Variants in PRPSAP1 observed in about 807,000 individuals in gnomAD.
PRPSAP1 encodes the protein phosphoribosyl pyrophosphate synthetase associated protein 1, also known as phosphoribosyl pyrophosphate synthase-associated protein 1.
In PRPSAP1, 31 loss-of-function variants were observed where a neutral mutation model predicts 39.4. The observed-to-expected ratio is 0.79, with a 90% confidence interval of 0.59 to 1.06. The LOEUF (loss-of-function observed/expected upper bound fraction) is 1.06, where lower values mean the gene tolerates loss of function less well. Among genes scored for constraint, PRPSAP1 ranks in the 50% least tolerant of loss-of-function variants. PRPSAP1 has a pLI of 0.00. For synonymous variants in PRPSAP1, 212 were observed against 192.6 expected (o/e 1.10, Z -0.83); for missense variants, 430 against 511.6 (o/e 0.84, Z 1.54).
chr17:76,312,374 T>C (rs2071078539), intron 9 of PRPSAP1, among the ~76,000 whole-genome samples: 1 of 151,686 alleles, frequency 6.6e-6, no homozygotes, highest in Non-Finnish European at 1.5e-5. Flanking sequence ...GAGGCAGAGG[T>C]TGCAGTGAGC....
At chr17:76,327,510 C>T (rs1226729974) in intron 7 of PRPSAP1, among the ~76,000 whole-genome samples, 2 of 151,440 alleles carry the variant, frequency 1.3e-5, no homozygotes, top group Non-Finnish European at 2.9e-5. Context: ...AAAATTAGCT[C>T]GGCGTGTTGG....
intron 3 of PRPSAP1, among the ~76,000 whole-genome samples, chr17:76,337,112 G>C (rs2071387451): frequency 6.6e-6 from 1 of 151,994 alleles, no homozygotes; most frequent in African/African-American, 2.4e-5. Context: ...ATAGAGAAAG[G>C]TCTCACCATG....
At chr17:76,333,339 A>T (rs1014711320) in intron 3 of PRPSAP1, among the ~76,000 whole-genome samples, 2 of 151,990 alleles carry the variant, frequency 1.3e-5, no homozygotes, top group African/African-American at 2.4e-5. Flanking sequence ...CGAACTCCCG[A>T]CCTTAGGTGA....
intron 3 of PRPSAP1, among the ~76,000 whole-genome samples, chr17:76,341,864 G>A (rs931225969): frequency 3.3e-5 from 5 of 152,188 alleles, no homozygotes; most frequent in Admixed American, 6.5e-5. Context: ...GCGTGAACTC[G>A]GGAGGCGGAG....
In PRPSAP1 at chr17:76,310,506, C is replaced by G. The variant is rs1290720603; in HGVS notation, c.*1036G>C. 3 of 151,476 alleles carry G rather than the reference C, an allele frequency of 2.0e-5. No homozygotes were observed. The highest frequency in any genetic ancestry group is 2.9e-5 in the Non-Finnish European group (2 of 67,960). 9.4% of individuals were successfully genotyped at this position (151,476 alleles called of 1,614,324 possible). On this transcript the variant is annotated 3_prime_UTR_variant, in exon 10 of 10. Transcript: ENST00000446526. ...TTTGAGACAGGGTGTTGCTCTGTCA[C>G]CCAGGATGGATGGCAGTGGTACAAT...
rs542939497 is a variant in PRPSAP1 at position 76,319,628 on chromosome 17, T to C, written c.782-5737A>G. Among the ~76,000 whole-genome samples the C allele has an allele frequency of 4.7e-4, 72 of 151,894 alleles. No homozygotes were observed. In the South Asian group the frequency reaches 4.8e-3, roughly 10 times the overall value. Reference sequence around the variant, plus strand: ...GGATTACAGGTGCCCGCCACCATGCTCGGCTAATTTTTGTAATTTTAGTAG... The same window carrying C: ...GGATTACAGGTGCCCGCCACCATGCCCGGCTAATTTTTGTAATTTTAGTAG... On this transcript the variant is annotated intron_variant, in intron 7 of 9. Coordinates refer to ENST00000446526, the MANE Select transcript of PRPSAP1 (RefSeq NM_002766.3).
In PRPSAP1 at chr17:76,310,435, G is replaced by T. The variant is rs1224277001; in HGVS notation, c.*1107C>A. 6.6e-6 allele frequency: 1 copy of T among 151,746 alleles called. No individual in the cohort carries two copies. Among genetic ancestry groups the T allele is most frequent in the Non-Finnish European group, 1.5e-5 (1 of 68,056 alleles). 9.4% of individuals were successfully genotyped at this position (151,746 alleles called of 1,614,324 possible). A position where few individuals can be genotyped will look rare whatever the true frequency, so the allele number is the denominator to read the frequency against. ...TCTACCTGCCTCGGCCTCCCAAAGTGCAGGGATTACAGGCATAAGACACGA... is the reference window on the plus strand; with the variant it reads ...TCTACCTGCCTCGGCCTCCCAAAGTTCAGGGATTACAGGCATAAGACACGA... On this transcript the variant is annotated 3_prime_UTR_variant, in exon 10 of 10. Coordinates refer to ENST00000446526, the MANE Select transcript of PRPSAP1 (RefSeq NM_002766.3).
chr17:76,334,344 C>T (rs989078627), intron 3 of PRPSAP1, among the ~76,000 whole-genome samples: 7 of 152,170 alleles, frequency 4.6e-5, no homozygotes, highest in Non-Finnish European at 1.0e-4. Flanking sequence ...AGAAAGCCTG[C>T]CATACACACA....
intron 2 of PRPSAP1, among the ~76,000 whole-genome samples, chr17:76,348,127 G>T (rs916958097): frequency 6.6e-6 from 1 of 151,898 alleles, no homozygotes; most frequent in Non-Finnish European, 1.5e-5. Context: ...TTCAAGACCA[G>T]CCTGGCCAAC....
chr17:76,330,818 C>T (rs2071313776), intron 4 of PRPSAP1, 152 bp from the exon 5 acceptor site: 2 of 519,398 alleles, frequency 3.9e-6, no homozygotes, highest in Non-Finnish European at 6.8e-6. Flanking sequence ...TGATTGTTAA[C>T]CTTAATAAAG....
At chr17:76,330,335 C>A in intron 5 of PRPSAP1, 1 of 599,686 alleles carries the variant, frequency 1.7e-6, no homozygotes. Context: ...AAAACATAAG[C>A]AAATTGCTAA....
At chr17:76,324,039 G>A (rs192364097) in intron 7 of PRPSAP1, among the ~76,000 whole-genome samples, 5 of 7,668 alleles carry the variant, frequency 6.5e-4, no homozygotes, top group South Asian at 9.1e-3. Context: ...CCAGCTACTC[G>A]GGAAGCTGAG....
intron 3 of PRPSAP1, among the ~76,000 whole-genome samples, chr17:76,334,640 A>G (rs1424994962): frequency 1.3e-5 from 2 of 152,168 alleles, no homozygotes; most frequent in Non-Finnish European, 2.9e-5. Flanking sequence ...AAACAAAAAC[A>G]AAAACAAAAA....
intron 7 of PRPSAP1, among the ~76,000 whole-genome samples, chr17:76,327,802 C>G (rs2071269712): frequency 1.3e-5 from 2 of 152,176 alleles, no homozygotes; most frequent in South Asian, 4.1e-4. Context: ...AATTATCAAA[C>G]ACCGTCTGAA....
At chr17:76,343,557 G>A (rs1280077579) in intron 3 of PRPSAP1, among the ~76,000 whole-genome samples, 2 of 152,218 alleles carry the variant, frequency 1.3e-5, no homozygotes, top group African/African-American at 4.8e-5. Flanking sequence ...TTAAAGCTTG[G>A]GGAGTGGTGG....
At chr17:76,348,832 T>C (rs539882531) in intron 1 of PRPSAP1, among the ~76,000 whole-genome samples, 2 of 152,340 alleles carry the variant, frequency 1.3e-5, no homozygotes, top group African/African-American at 4.8e-5. Context: ...CGCGTTGTTC[T>C]TTGAATAGTA....
intron 7 of PRPSAP1, among the ~76,000 whole-genome samples, chr17:76,321,563 A>T (rs2071199162): frequency 6.6e-6 from 1 of 152,062 alleles, no homozygotes; most frequent in Non-Finnish European, 1.5e-5. Context: ...GTAAATGTGT[A>T]TTCTGACTGC....
Position 76,312,728 on chromosome 17 carries a change from G to T in PRPSAP1, c.999+142C>A, listed in dbSNP as rs574005708. 3 of 1,066,584 alleles carry T rather than the reference G, an allele frequency of 2.8e-6. No homozygotes were observed. In the South Asian group the frequency reaches 5.3e-5, roughly 19 times the overall value. The allele number at this position is 1,066,584 out of a possible 1,614,324, so 66.1% of individuals were successfully genotyped here. On this transcript the variant is annotated intron_variant, in intron 9 of 9. Coordinates refer to ENST00000446526, the MANE Select transcript of PRPSAP1 (RefSeq NM_002766.3). ...GTGGACTATCTGTATTCCTAAACAT[G>T]TATCTGTCCCAACGAACTGCTAGCC...
chr17:76,320,090 C>T (rs904957504), intron 7 of PRPSAP1, among the ~76,000 whole-genome samples: 1 of 151,676 alleles, frequency 6.6e-6, no homozygotes, highest in Non-Finnish European at 1.5e-5. Flanking sequence ...GCCAACATGG[C>T]GAAACCCTGT....
Sources: allele counts gnomAD v4.1 joint callset (sites outside exome capture counted in the v4.1 genomes callset), GRCh38; gene constraint gnomAD v4.1.1; transcripts MANE v1.5; gene names NCBI Gene and HGNC (gene_info 2026-07-23, HGNC 2026-07-21).